ZNF337: variants seen among roughly 807,000 people sequenced by gnomAD.
ZNF337 encodes zinc finger protein 337.
ZNF337 carries 8 observed loss-of-function variants against 12.1 expected under a neutral mutation model. The ratio of observed to expected loss-of-function variants is 0.66; its 90% CI spans 0.39 to 1.19. The LOEUF (loss-of-function observed/expected upper bound fraction) is 1.19, where lower values mean the gene tolerates loss of function less well. Ranked by LOEUF, ZNF337 falls within the 50% of genes most tolerant of loss-of-function variation. The pLI is 0.01. For missense variants in ZNF337, 882 were observed against 896.6 expected, an observed-to-expected ratio of 0.98 and a Z score of 0.21; for synonymous variants, 336 against 320.0, an observed-to-expected ratio of 1.05 and a Z score of -0.53.
intron 2 of ZNF337, 37 bp downstream of exon 2, chr20:25,686,354 C>T: frequency 6.3e-7 from 1 of 1,591,624 alleles, no homozygotes; most frequent in Non-Finnish European, 8.6e-7. Flanking sequence ...TGGGCCCATC[C>T]TGTGACAGCA....
At chr20:25,689,260 T>C (rs1412976210) in intron 1 of ZNF337, among the ~76,000 whole-genome samples, 1 of 151,670 alleles carries the variant, frequency 6.6e-6, no homozygotes, top group African/African-American at 2.4e-5. Context: ...GCGGAGACCG[T>C]GCCACTGCAC....
At chr20:25,689,579 C>T (rs113517825) in intron 1 of ZNF337, among the ~76,000 whole-genome samples, 1,692 of 152,258 alleles carry the variant, frequency 0.011, 13 homozygotes, top group African/African-American at 0.028. Context: ...ACTCATTATA[C>T]AGTTAAAAGC....
intron 4 of ZNF337, among the ~76,000 whole-genome samples, chr20:25,679,335 A>G (rs1046665136): frequency 4.6e-5 from 7 of 152,312 alleles, no homozygotes; most frequent in African/African-American, 1.7e-4. Context: ...ACATTAAACT[A>G]AAAACTAAAA....
intron 4 of ZNF337, among the ~76,000 whole-genome samples, chr20:25,680,261 GA>G (rs983921379): frequency 3.2e-4 from 49 of 151,998 alleles, no homozygotes; most frequent in African/African-American, 1.0e-3. Context: ...TTTCAAAATA[GA>G]AAAAAATGGA....
Position 25,674,974 on chromosome 20 carries a change from G to C in ZNF337, c.*58C>G, listed in dbSNP as rs1346626608. 4.0e-6 allele frequency: 6 copies of C among 1,512,712 alleles called. No individual in the cohort carries two copies. Among genetic ancestry groups the C allele is most frequent in the African/African-American group, 1.4e-5 (1 of 72,430 alleles). 93.7% of individuals were successfully genotyped at this position (1,512,712 alleles called of 1,614,324 possible). On this transcript the variant is annotated 3_prime_UTR_variant, in exon 5 of 5. Coordinates refer to ENST00000252979, the MANE Select transcript of ZNF337 (RefSeq NM_015655.4). Reference sequence around the variant, plus strand: ...AGTTATGCAGCCTCAACTAAAGCTTGTAACAAAGCAAAGTTACTCTCCTGA... The same window carrying C: ...AGTTATGCAGCCTCAACTAAAGCTTCTAACAAAGCAAAGTTACTCTCCTGA...
Position 25,696,794 on chromosome 20 carries a change from A to G in ZNF337, c.-85T>C. The G allele has an allele frequency of 1.0e-6, 1 of 985,526 alleles. No homozygotes were observed. Among genetic ancestry groups the G allele is most frequent in the Non-Finnish European group, 1.2e-6 (1 of 829,992 alleles). The allele number at this position is 985,526 out of a possible 1,614,324, so 61.0% of individuals were successfully genotyped here. ...GAGGGCGAACCGAGGCGGTGAGGTC[A>G]CCGATGGTGGACCACGCATCTCACG... is the stretch of plus-strand genomic sequence containing the variant. On this transcript the variant is annotated 5_prime_UTR_variant, in exon 1 of 5. Coordinates refer to ENST00000252979, the MANE Select transcript of ZNF337 (RefSeq NM_015655.4).
intron 1 of ZNF337, among the ~76,000 whole-genome samples, chr20:25,695,879 C>T (rs932279660): frequency 1.1e-4 from 16 of 152,306 alleles, no homozygotes; most frequent in African/African-American, 3.6e-4. Context: ...ATAAAATTAA[C>T]CTGCAAGCCT....
chr20:25,683,904 G>A (rs1569011791), intron 4 of ZNF337, among the ~76,000 whole-genome samples: 1 of 151,944 alleles, frequency 6.6e-6, no homozygotes, highest in East Asian at 1.9e-4. Context: ...ACATGCACAC[G>A]TATGTTTATT....
chr20:25,694,865 A>G (rs1245632002), intron 1 of ZNF337, among the ~76,000 whole-genome samples: 1 of 152,238 alleles, frequency 6.6e-6, no homozygotes, highest in Non-Finnish European at 1.5e-5. Context: ...GGGGCAACAG[A>G]TTGAAATGGA....
At chr20:25,687,073 A>G (rs1026149434) in intron 1 of ZNF337, 1 of 152,250 alleles carries the variant, frequency 6.6e-6, no homozygotes, top group Non-Finnish European at 1.5e-5. Flanking sequence ...ACAGCCAGTG[A>G]AATCTGAACA....
chr20:25,675,376 T>C lies in ZNF337; in HGVS notation c.1912A>G (p.Asn638Asp). Residue 638 changes from asparagine to aspartate, a missense_variant, in exon 5 of 5, where the codon AAC becomes GAC. Asn to Asp is a conservative substitution (Grantham distance 23). Transcript: ENST00000252979. ...TGTGTGAGGAGATTTCCCTTCCAGT[T>C]GAAGCCTCGCCCACACTCCTTGCAT... ...FVCKECGRGF[N>D]WKGNLLTHQR... The C allele has an allele frequency of 1.2e-6, 2 of 1,614,152 alleles. No homozygotes were observed. The highest frequency in any genetic ancestry group is 1.7e-6 in the Non-Finnish European group (2 of 1,180,024).
intron 4 of ZNF337, 28 bp from the exon 5 acceptor site, chr20:25,677,065 A>C (rs1396543238): frequency 4.0e-6 from 6 of 1,518,608 alleles, no homozygotes; most frequent in Non-Finnish European, 4.4e-6. Context: ...AATGAGACTG[A>C]ATCAGTAACG....
rs749684876 is a variant in ZNF337 at position 25,675,505 on chromosome 20, A to C, written c.1783T>G (p.Ser595Ala). Reference sequence around the variant, plus strand: ...CTACAGATGAAAGGCTTCTCCCCTGAGTGTGTCTTCTGGTGGAAGAGGAGA... The same window carrying C: ...CTACAGATGAAAGGCTTCTCCCCTGCGTGTGTCTTCTGGTGGAAGAGGAGA... Reference protein sequence around the residue: ...STLLFHQKTHSGEKPFICSEC... With the variant: ...STLLFHQKTHAGEKPFICSEC... The change falls in exon 5 of 5, where the codon TCA (serine) becomes GCA (alanine). Residue 595 changes from serine to alanine, a missense_variant. By Grantham distance (99) the Ser-to-Ala change is moderately conservative (BLOSUM62 1). Transcript: ENST00000252979. 1 of 1,614,204 alleles carries C rather than the reference A, an allele frequency of 6.2e-7. No homozygotes were observed. Among genetic ancestry groups the C allele is most frequent in the South Asian group, 1.1e-5 (1 of 91,088 alleles).
At chr20:25,678,305 T>G (rs2065729517) in intron 4 of ZNF337, among the ~76,000 whole-genome samples, 1 of 152,084 alleles carries the variant, frequency 6.6e-6, no homozygotes, top group African/African-American at 2.4e-5. Flanking sequence ...TACAAAAAAG[T>G]ATATGAATAA....
In ZNF337 at chr20:25,673,476, T is replaced by A. The variant is rs555524948; in HGVS notation, c.*1556A>T. Among the ~76,000 whole-genome samples the A allele has an allele frequency of 5.9e-5, 9 of 152,268 alleles. 1 individual carries two copies. The South Asian group carries it at 1.9e-3, about 32-fold the overall frequency. The stretch of plus-strand genomic sequence containing the variant: ...GCTATTCCTAAGGAAGGATGGGCCA[T>A]CTCTACACACCCAGATGGTCTGTGG... On this transcript the variant is annotated 3_prime_UTR_variant, in exon 5 of 5. Transcript: ENST00000252979.
In ZNF337 at chr20:25,686,786, A is replaced by ATAG; in HGVS notation, c.-49-321_-49-320insCTA. 2.0e-5 allele frequency: 4 copies of ATAG among 204,564 alleles called. 1 individual carries two copies. In the South Asian group the frequency reaches 2.6e-4, roughly 14 times the overall value. The allele number at this position is 204,564 out of a possible 1,614,324, so 12.7% of individuals were successfully genotyped here. On this transcript the variant is annotated intron_variant, in intron 1 of 4. Transcript: ENST00000252979. ...GAGTTCCAGGTGTTCTTTGCACTGG[A>ATAG]CAGAATACACAAGAGCTGTCTGCCT...
intron 4 of ZNF337, among the ~76,000 whole-genome samples, chr20:25,679,582 A>C (rs906750591): frequency 1.3e-5 from 2 of 152,174 alleles, no homozygotes; most frequent in African/African-American, 4.8e-5. Context: ...ATCACCAATC[A>C]TCAGGGAAAT....
At chr20:25,688,093 TTACA>T (rs999898201) in intron 1 of ZNF337, among the ~76,000 whole-genome samples, 3 of 152,264 alleles carry the variant, frequency 2.0e-5, no homozygotes, top group Admixed American at 6.5e-5. Flanking sequence ...TTCTATATAC[TTACA>T]TAAATAGTTT....
chr20:25,695,813 C>T (rs957684276), intron 1 of ZNF337, among the ~76,000 whole-genome samples: 6 of 152,140 alleles, frequency 3.9e-5, no homozygotes, highest in African/African-American at 9.7e-5. Context: ...AGGCATGAGC[C>T]ACACTGCTCA....
Sources: gnomAD v4.1 joint callset for allele counts (sites outside exome capture counted in the v4.1 genomes callset) on GRCh38, gnomAD v4.1.1 for gene constraint, MANE v1.5 for transcripts, NCBI Gene and HGNC (gene_info 2026-07-23, HGNC 2026-07-21) for gene names.